Variants in RPS9 observed in about 807,000 individuals in gnomAD.
RPS9 encodes the protein small ribosomal subunit protein uS4.
RPS9 carries 1 observed loss-of-function variant against 16.9 expected under a neutral mutation model. That is an observed-to-expected ratio of 0.06 (90% CI 0.02 to 0.28). The LOEUF (loss-of-function observed/expected upper bound fraction) is 0.28, where lower values mean the gene tolerates loss of function less well. RPS9 is among the 10% of genes least tolerant of loss of function. The probability of loss-of-function intolerance (pLI) is 1.00; values close to 1 mark genes in which losing one functional copy is unlikely to be tolerated. For synonymous variants in RPS9, 106 were observed against 110.9 expected (o/e 0.96, Z 0.28); for missense variants, 137 against 273.2 (o/e 0.50, Z 3.51).
chr19:54,200,898 G>C lies in RPS9; in HGVS notation c.-26+10G>C, dbSNP rs1014706127. On this transcript the variant is annotated intron_variant, in intron 1 of 4. Coordinates refer to ENST00000302907, the MANE Select transcript of RPS9 (RefSeq NM_001013.4). ...CGGGTGGTTTGCTTAGGTGAGGTGC[G>C]GTGGTGTGCTTTTTCTCTAGGGTTT... 1.0e-5 allele frequency: 13 copies of C among 1,295,910 alleles called. No homozygotes were observed. In the Admixed American group the frequency reaches 4.6e-4, roughly 46 times the overall value. The allele number at this position is 1,295,910 out of a possible 1,614,324, so 80.3% of individuals were successfully genotyped here. A position where few individuals can be genotyped will look rare whatever the true frequency, so the allele number is the denominator to read the frequency against.
At chr19:54,206,572 T>C in intron 4 of RPS9, 110 bp downstream of exon 4, 1 of 1,558,078 alleles carries the variant, frequency 6.4e-7, no homozygotes, top group African/African-American at 1.4e-5. Context: ...GTGATGGGTG[T>C]GAACTCACCC....
rs755624012 is a variant in RPS9, at chr19:54,207,413, G to A, written c.423G>A (p.Val141=). Residue 141 remains valine, a synonymous_variant, in exon 5 of 5, where the codon GTG becomes GTA. Transcript: ENST00000302907. ...RQRHIRVRKQ[V]VNIPSFIVRL... ...CTGCTTCCAGGGTCCGCAAGCAGGT[G>A]GTGAACATCCCGTCCTTCATTGTCC... 8 of 1,612,596 alleles carry A rather than the reference G, an allele frequency of 5.0e-6. No homozygotes were observed. Among genetic ancestry groups the A allele is most frequent in the Non-Finnish European group, 5.9e-6 (7 of 1,179,166 alleles).
chr19:54,206,858 A>G, intron 4 of RPS9: 1 of 727,758 alleles, frequency 1.4e-6, no homozygotes, highest in Admixed American at 3.1e-5. Context: ...CTGGGTACTC[A>G]GTGTGCCCTT....
In RPS9 at chr19:54,207,582, C is replaced by G; in HGVS notation, c.*7C>G. On this transcript the variant is annotated 3_prime_UTR_variant, in exon 5 of 5. Coordinates refer to ENST00000302907, the MANE Select transcript of RPS9 (RefSeq NM_001013.4). ...CGACGAGGAGGAGGATTAAGTCCAC[C>G]TGTCCCTCCTGGGCTGCTGGATTGT... 4 of 1,599,494 alleles carry G rather than the reference C, an allele frequency of 2.5e-6. No individual in the cohort carries two copies. Among genetic ancestry groups the G allele is most frequent in the Non-Finnish European group, 3.4e-6 (4 of 1,172,606 alleles).
At chr19:54,207,216 A>G in intron 4 of RPS9, 182 bp from the exon 5 acceptor site, 2 of 560,744 alleles carry the variant, frequency 3.6e-6, no homozygotes, top group Non-Finnish European at 6.3e-6. Context: ...ATTTTTGGGG[A>G]TTAAGGTGAT....
intron 4 of RPS9, chr19:54,206,995 C>A (rs942813411): frequency 1.9e-5 from 8 of 431,968 alleles, no homozygotes; most frequent in Non-Finnish European, 3.3e-5. Context: ...TGTGTCAATG[C>A]TTTCGTCGGA....
Position 54,201,361 on chromosome 19 carries a change from AT to A in RPS9, c.97+81del, listed in dbSNP as rs1029669707. On this transcript the variant is annotated intron_variant, in intron 2 of 4. Coordinates refer to ENST00000302907, the MANE Select transcript of RPS9 (RefSeq NM_001013.4). ...GTGGATGAAGGTGCCCATGTACTCT[AT>A]CTAGTCCGTCCCCTAAATTTGGTAC... The A allele has an allele frequency of 4.2e-5, 67 of 1,608,940 alleles. No individual in the cohort carries two copies. The Middle Eastern group carries it at 6.6e-4, about 16-fold the overall frequency.
intron 3 of RPS9, among the ~76,000 whole-genome samples, chr19:54,203,637 G>GA (rs2077137528): frequency 6.6e-6 from 1 of 152,160 alleles, no homozygotes; most frequent in Non-Finnish European, 1.5e-5. Flanking sequence ...GCCGAGCATG[G>GA]TGGTGTGCCT....
At chr19:54,204,649 A>G (rs555706834) in intron 3 of RPS9, among the ~76,000 whole-genome samples, 1 of 152,186 alleles carries the variant, frequency 6.6e-6, no homozygotes, top group Non-Finnish European at 1.5e-5. Flanking sequence ...TCTGGACTCA[A>G]CTGATCCTCC....
intron 3 of RPS9, among the ~76,000 whole-genome samples, chr19:54,203,578 G>C (rs1048120047): frequency 2.6e-5 from 4 of 152,080 alleles, no homozygotes; most frequent in African/African-American, 9.7e-5. Context: ...TCAGAGACCA[G>C]CCTGGCCAAC....
chr19:54,202,554 T>A, intron 3 of RPS9: 3 of 980,890 alleles, frequency 3.1e-6, no homozygotes, highest in Non-Finnish European at 3.6e-6. Flanking sequence ...ACTTTACTAA[T>A]TGTGGTGAAA....
chr19:54,201,632 G>C (rs1348289752), intron 3 of RPS9, 23 bp downstream of exon 3: 2 of 1,613,892 alleles, frequency 1.2e-6, no homozygotes, highest in African/African-American at 2.7e-5. Flanking sequence ...GTCCACAGCA[G>C]AGGGATGGGG....
chr19:54,206,945 C>G, intron 4 of RPS9: 1 of 484,390 alleles, frequency 2.1e-6, no homozygotes. Flanking sequence ...ATCTTCGCCC[C>G]AGCCCTTCAC....
rs1568884933 is a variant in RPS9, at chr19:54,201,301, G to A, written c.97+20G>A. On this transcript the variant is annotated intron_variant, in intron 2 of 4. Coordinates refer to ENST00000302907, the MANE Select transcript of RPS9 (RefSeq NM_001013.4). ...TGATCGGTGAGTGGCCAAGGCTTCCGGGAAGTGGTTCGGCTTCCGGGAGGC... is the reference window on the plus strand; with the variant it reads ...TGATCGGTGAGTGGCCAAGGCTTCCAGGAAGTGGTTCGGCTTCCGGGAGGC... The A allele has an allele frequency of 2.5e-6, 4 of 1,613,810 alleles. No homozygotes were observed. The Admixed American group carries it at 6.7e-5, about 27-fold the overall frequency.
At chr19:54,202,678 T>C (rs1249042050) in intron 3 of RPS9, 1 of 985,426 alleles carries the variant, frequency 1.0e-6, no homozygotes, top group East Asian at 1.1e-4. Context: ...AGATTGGCAT[T>C]TGTATATCCT....
intron 3 of RPS9, 155 bp downstream of exon 3, chr19:54,201,764 G>GT: frequency 7.0e-7 from 1 of 1,433,292 alleles, no homozygotes; most frequent in Non-Finnish European, 9.2e-7. Flanking sequence ...TAGGAAAAGT[G>GT]TATCTGGATC....
intron 4 of RPS9, chr19:54,206,822 TC>T: frequency 9.2e-7 from 1 of 1,084,670 alleles, no homozygotes; most frequent in Non-Finnish European, 1.3e-6. Context: ...TGAAGTTGAT[TC>T]CAGACCCCGA....
intron 4 of RPS9, chr19:54,206,835 C>A: frequency 1.1e-6 from 1 of 925,450 alleles, no homozygotes; most frequent in Non-Finnish European, 1.6e-6. Context: ...AGACCCCGAT[C>A]CATGACTGCG....
chr19:54,201,640 G>C, intron 3 of RPS9, 31 bp downstream of exon 3: 3 of 1,613,540 alleles, frequency 1.9e-6, no homozygotes, highest in Non-Finnish European at 2.5e-6. Context: ...CAGAGGGATG[G>C]GGTGCAGGGC....
Sources: allele counts gnomAD v4.1 joint callset (sites outside exome capture counted in the v4.1 genomes callset), GRCh38; gene constraint gnomAD v4.1.1; transcripts MANE v1.5; gene names NCBI Gene and HGNC (gene_info 2026-07-23, HGNC 2026-07-21).